Variants in TERF2 observed in about 807,000 individuals in gnomAD.
TERF2 encodes telomeric repeat binding factor 2, also known as telomeric repeat-binding factor 2.
TERF2 carries 16 observed loss-of-function variants against 56.1 expected under a neutral mutation model. The observed-to-expected ratio is 0.29, with a 90% CI of 0.19 to 0.43. The LOEUF (loss-of-function observed/expected upper bound fraction) is 0.43. TERF2 is among the 20% of genes least tolerant of loss of function. The pLI, the probability that TERF2 is intolerant of heterozygous loss-of-function variation, is 1.00. For missense variants in TERF2, 547 were observed against 712.9 expected, an observed-to-expected ratio of 0.77 and a Z score of 2.65; for synonymous variants, 296 against 282.1, an observed-to-expected ratio of 1.05 and a Z score of -0.50.
Position 69,385,633 on chromosome 16 carries a change from G to A in TERF2, c.339C>T (p.Ser113=). 3.7e-6 allele frequency: 6 copies of A among 1,610,284 alleles called. No homozygotes were observed. The highest frequency in any genetic ancestry group is 4.2e-6 in the Non-Finnish European group (5 of 1,179,156). Residue 113 remains serine (S), a synonymous_variant, in exon 1 of 10, where the codon AGC becomes AGT. Coordinates refer to ENST00000254942, the MANE Select transcript of TERF2 (RefSeq NM_005652.5). ...FHEALRAFRG[S]RYGDFRQIRD... is the part of the protein sequence containing the mutation. ...GGATCTGTCTGAAGTCCCCGTACCG[G>A]CTACCCCGAAAGGCCCGCAGCGCCT... is the stretch of plus-strand genomic sequence containing the variant.
At chr16:69,383,571 T>C (rs1168565065) in intron 3 of TERF2, among the ~76,000 whole-genome samples, 1 of 152,242 alleles carries the variant, frequency 6.6e-6, no homozygotes, top group African/African-American at 2.4e-5. Flanking sequence ...TATTCTTCCT[T>C]GGAAATGACT....
At chr16:69,385,183 A>T (rs968249641) in intron 2 of TERF2, among the ~76,000 whole-genome samples, 21 of 151,952 alleles carry the variant, frequency 1.4e-4, no homozygotes, top group Middle Eastern at 3.4e-3. Context: ...GAGAAGATTT[A>T]AAAAAAACAC....
chr16:69,370,304 T>G (rs2013518003), intron 5 of TERF2, 179 bp downstream of exon 5: 1 of 826,228 alleles, frequency 1.2e-6, no homozygotes, highest in African/African-American at 1.7e-5. Context: ...GTGCTGGGAT[T>G]ACAGGCGTGA....
Position 69,366,797 on chromosome 16 carries a change from G to A in TERF2, c.1340+10C>T, listed in dbSNP as rs773712357. 4 of 1,597,652 alleles carry A rather than the reference G, an allele frequency of 2.5e-6. No individual in the cohort carries two copies. In the South Asian group the frequency reaches 4.4e-5, roughly 18 times the overall value. On this transcript the variant is annotated intron_variant, in intron 7 of 9. Transcript: ENST00000254942. ...CAGCCCCAAAATTTCTACAAAGAAG[G>A]TCTTCATACTTGGGATTCTTCTCTC...
At position 69,372,376 on chromosome 16, in the gene TERF2, CTTTT is replaced by C. The variant is rs539046077; in HGVS notation, c.607-25_607-22del. The C allele has an allele frequency of 7.7e-5, 117 of 1,516,272 alleles. 1 individual carries two copies. In the South Asian group the frequency reaches 1.3e-3, roughly 16 times the overall value. 93.9% of individuals were successfully genotyped at this position (1,516,272 alleles called of 1,614,324 possible). A position where few individuals can be genotyped will look rare whatever the true frequency, so the allele number is the denominator to read the frequency against. ...ACAGCCTAAAAAGGAGGGGAAAAAT[CTTTT>C]TTTACTTTTGTAATGACAGGTGTAA... is the stretch of plus-strand genomic sequence containing the variant. On this transcript the variant is annotated intron_variant, in intron 3 of 9. Coordinates refer to ENST00000254942, the MANE Select transcript of TERF2 (RefSeq NM_005652.5).
intron 8 of TERF2, among the ~76,000 whole-genome samples, chr16:69,358,978 G>C (rs2013024483): frequency 1.3e-5 from 2 of 152,220 alleles, no homozygotes; most frequent in East Asian, 3.9e-4. Context: ...GTGACACAAT[G>C]GTAAATATTG....
At position 69,385,810 on chromosome 16, in the gene TERF2, C is replaced by T; in HGVS notation, c.162G>A (p.Gly54=). 1 of 1,308,644 alleles carries T rather than the reference C, an allele frequency of 7.6e-7. No homozygotes were observed. Among genetic ancestry groups the T allele is most frequent in the Non-Finnish European group, 9.7e-7 (1 of 1,028,178 alleles). 81.1% of individuals were successfully genotyped at this position (1,308,644 alleles called of 1,614,324 possible). ...AGGGGSSDGS[G]RAAGRRASRS... Reference sequence around the variant, plus strand: ...GGGACGCCCGCCTGCCAGCTGCCCGCCCGCTGCCGTCGCTACTCCCGCCTC... The same window carrying T: ...GGGACGCCCGCCTGCCAGCTGCCCGTCCGCTGCCGTCGCTACTCCCGCCTC... Residue 54 remains glycine (G), a synonymous_variant, in exon 1 of 10, where the codon GGG becomes GGA. Transcript: ENST00000254942.
chr16:69,371,764 A>C (rs1044811104), intron 4 of TERF2, among the ~76,000 whole-genome samples: 2 of 152,066 alleles, frequency 1.3e-5, no homozygotes, highest in Non-Finnish European at 1.5e-5. Context: ...GCAGTGAACT[A>C]TGACTGCACC....
At chr16:69,361,306 T>C (rs1275341207) in intron 8 of TERF2, 98 bp downstream of exon 8, 1 of 861,140 alleles carries the variant, frequency 1.2e-6, no homozygotes, top group East Asian at 2.4e-5. Flanking sequence ...CTTTTTCTAG[T>C]TCGGAGACAA....
chr16:69,385,368 G>A (rs775800264), intron 2 of TERF2, 23 bp downstream of exon 2: 99 of 1,599,578 alleles, frequency 6.2e-5, no homozygotes, highest in Non-Finnish European at 8.0e-5. Context: ...TAAGCCCAGA[G>A]AAGAACACAA....
At chr16:69,372,077 A>AT (rs1403482984) in intron 4 of TERF2, among the ~76,000 whole-genome samples, 192 bp downstream of exon 4, 2 of 152,240 alleles carry the variant, frequency 1.3e-5, no homozygotes, top group Admixed American at 6.5e-5. Context: ...AATTTCTCTA[A>AT]TAAAAACTAA....
chr16:69,357,865 T>C (rs2012966440), intron 8 of TERF2, among the ~76,000 whole-genome samples: 1 of 150,770 alleles, frequency 6.6e-6, no homozygotes, highest in Admixed American at 6.6e-5. Flanking sequence ...TTTTTTTTTT[T>C]TGAGACGGAG....
chr16:69,368,651 A>T, intron 5 of TERF2, 169 bp from the exon 6 acceptor site: 2 of 1,509,366 alleles, frequency 1.3e-6, no homozygotes, highest in East Asian at 2.5e-5. Flanking sequence ...CTTATAAATC[A>T]AGCTTTTTTT....
chr16:69,365,011 A>C (rs1567445786), intron 7 of TERF2: 1 of 152,266 alleles, frequency 6.6e-6, no homozygotes. Flanking sequence ...CAGTAGGCTG[A>C]TTTGGCCCCA....
Position 69,370,432 on chromosome 16 carries a change from C to T in TERF2, c.840+51G>A, listed in dbSNP as rs377548832. ...TTTCACTTCAGATATTCTGATTCCC[C>T]GCACATCCTCAAGGGCACACCATGG... On this transcript the variant is annotated intron_variant, in intron 5 of 9. Transcript: ENST00000254942. 9.4e-6 allele frequency: 15 copies of T among 1,588,964 alleles called. No individual in the cohort carries two copies. In the East Asian group the frequency reaches 2.5e-4, roughly 26 times the overall value.
chr16:69,370,946 C>A (rs539525465), intron 4 of TERF2, among the ~76,000 whole-genome samples: 1 of 151,416 alleles, frequency 6.6e-6, no homozygotes, highest in Non-Finnish European at 1.5e-5. Flanking sequence ...TATGCTATCA[C>A]GTATGTGTAT....
At chr16:69,383,963 A>T (rs2014094403) in intron 3 of TERF2, among the ~76,000 whole-genome samples, 1 of 152,180 alleles carries the variant, frequency 6.6e-6, no homozygotes, top group Non-Finnish European at 1.5e-5. Context: ...AATTAAAATA[A>T]TTTCTACTGT....
intron 8 of TERF2, among the ~76,000 whole-genome samples, chr16:69,359,844 C>A (rs2013064666): frequency 6.6e-6 from 1 of 151,674 alleles, no homozygotes; most frequent in African/African-American, 2.4e-5. Flanking sequence ...TGGTGTCGAA[C>A]TTCTGACCTT....
At chr16:69,370,272 C>A (rs2013516291) in intron 5 of TERF2, 1 of 568,138 alleles carries the variant, frequency 1.8e-6, no homozygotes, top group African/African-American at 1.9e-5. Flanking sequence ...CTCAGGTGAT[C>A]CACCCCCCTG....
Sources: allele counts gnomAD v4.1 joint callset (sites outside exome capture counted in the v4.1 genomes callset), GRCh38; gene constraint gnomAD v4.1.1; transcripts MANE v1.5; gene names NCBI Gene and HGNC (gene_info 2026-07-23, HGNC 2026-07-21).